The following KNL1 variants were observed in gnomAD, a reference collection of about 807,000 sequenced individuals.
KNL1 encodes the protein outer kinetochore KNL1 complex subunit KNL1.
KNL1 carries 66 observed loss-of-function variants against 201.3 expected under a neutral mutation model. That is an observed-to-expected ratio of 0.33 (90% CI 0.27 to 0.40). The LOEUF is 0.40. KNL1 is among the 10% of genes least tolerant of loss of function. The pLI, the probability that KNL1 is intolerant of heterozygous loss-of-function variation, is 1.00. For synonymous variants in KNL1, 895 were observed against 899.2 expected (o/e 1.00, Z 0.08); for missense variants, 2,815 against 2,690.5 (o/e 1.05, Z -1.02).
chr15:40,621,436 T>C lies in KNL1; in HGVS notation c.1172T>C (p.Met391Thr), dbSNP rs2141719847. The C allele has an allele frequency of 6.2e-7, 1 of 1,613,792 alleles. No homozygotes were observed. Among genetic ancestry groups the C allele is most frequent in the South Asian group, 1.1e-5 (1 of 91,052 alleles). The change falls in exon 10 of 26, where the codon ATG (methionine) becomes ACG (threonine). Residue 391 changes from methionine to threonine, a missense_variant. Transcript: ENST00000399668. ...ATACATATTACCAGAAGTCATATTA[T>C]GGGGGCAGAAACTCACATAGTCTCA... ...DKIHITRSHI[M>T]GAETHIVSQT...
intron 9 of KNL1, 47 bp from the exon 10 acceptor site, chr15:40,620,593 A>G (rs769169680): frequency 2.9e-5 from 37 of 1,294,512 alleles, no homozygotes; most frequent in Non-Finnish European, 3.2e-6. Context: ...ATGCCTTTTT[A>G]AAAGTTTGCT....
intron 1 of KNL1, among the ~76,000 whole-genome samples, chr15:40,599,520 A>T (rs1891721711): frequency 6.6e-6 from 1 of 150,782 alleles, no homozygotes; most frequent in Non-Finnish European, 1.5e-5. Context: ...AGTAGCTGGG[A>T]CTACATGTGC....
Position 40,625,247 on chromosome 15 carries a change from A to G in KNL1, c.4983A>G (p.Arg1661=). The G allele has an allele frequency of 6.2e-7, 1 of 1,614,070 alleles. No individual in the cohort carries two copies. Among genetic ancestry groups the G allele is most frequent in the Non-Finnish European group, 8.5e-7 (1 of 1,179,950 alleles). ...TTTTGCCTAGATTGCCCAACAAGAG[A>G]AATTGTAGTGTCACTGGTATTGATG... The part of the protein sequence containing the change: ...GIFLPRLPNK[R]NCSVTGIDDL... The change falls in exon 10 of 26, where the codon AGA becomes AGG. Residue 1661 remains arginine (R), a synonymous_variant. Transcript: ENST00000399668.
intron 13 of KNL1, among the ~76,000 whole-genome samples, chr15:40,632,008 C>CAAAAAAAAAAAAAAAAAA (rs1335544344): frequency 1.1e-5 from 1 of 88,946 alleles, no homozygotes; most frequent in Non-Finnish European, 2.3e-5. Flanking sequence ...GACCCTATCT[C>CAAAAAAAAAAAAAAAAAA]AAAAAAAAAA....
At position 40,650,276 on chromosome 15, in the gene KNL1, T is replaced by C. The variant is rs376590408; in HGVS notation, c.6095-25T>C. The C allele has an allele frequency of 4.2e-6, 6 of 1,422,432 alleles. No homozygotes were observed. The African/African-American group carries it at 5.7e-5, about 14-fold the overall frequency. The allele number at this position is 1,422,432 out of a possible 1,614,324, so 88.1% of individuals were successfully genotyped here. The stretch of plus-strand genomic sequence containing the variant: ...TTTTTTACTATTTTTCACTGAATTA[T>C]TCTAACAAATACTGTCTACTTTAGA... On this transcript the variant is annotated intron_variant, in intron 17 of 25. Transcript: ENST00000399668.
chr15:40,604,488 A>C (rs1891911072), intron 2 of KNL1, among the ~76,000 whole-genome samples: 1 of 152,210 alleles, frequency 6.6e-6, no homozygotes, highest in East Asian at 1.9e-4. Flanking sequence ...CTGGAAGTAT[A>C]GACATGGGCC....
In KNL1 at chr15:40,632,109, C is replaced by T. The variant is rs140926891; in HGVS notation, c.5682+2738C>T. Reference sequence around the variant, plus strand: ...CTAATTAAGAAGAAATAAGCAGCTGCGCACAGTGGCTGGTGTCTGTAATTC... The same window carrying T: ...CTAATTAAGAAGAAATAAGCAGCTGTGCACAGTGGCTGGTGTCTGTAATTC... On this transcript the variant is annotated intron_variant, in intron 13 of 25. Coordinates refer to ENST00000399668, the MANE Select transcript of KNL1 (RefSeq NM_144508.5). Among the ~76,000 whole-genome samples, 35 of 151,708 alleles carry T rather than the reference C, an allele frequency of 2.3e-4. No individual in the cohort carries two copies. The East Asian group carries it at 3.5e-3, about 15-fold the overall frequency.
At chr15:40,656,491 C>G (rs903403062) in intron 22 of KNL1, among the ~76,000 whole-genome samples, 8 of 152,194 alleles carry the variant, frequency 5.3e-5, no homozygotes, top group Non-Finnish European at 1.2e-4. Context: ...TAAACCCACA[C>G]TCTTACTCAA....
At chr15:40,644,376 T>C (rs1893323910) in intron 14 of KNL1, among the ~76,000 whole-genome samples, 1 of 152,224 alleles carries the variant, frequency 6.6e-6, no homozygotes, top group South Asian at 2.1e-4. Flanking sequence ...GCGGTTTTTC[T>C]CCTATCTCAG....
chr15:40,601,424 C>G (rs1345332667), intron 1 of KNL1, among the ~76,000 whole-genome samples: 1 of 152,084 alleles, frequency 6.6e-6, no homozygotes, highest in Non-Finnish European at 1.5e-5. Context: ...ATAAGCTAGG[C>G]CAAATTTTTA....
chr15:40,647,336 G>A (rs1272662059), intron 17 of KNL1, among the ~76,000 whole-genome samples: 3 of 151,986 alleles, frequency 2.0e-5, no homozygotes, highest in African/African-American at 7.3e-5. Context: ...TTAGCTGGGC[G>A]TGGTGACGGG....
At chr15:40,658,544 AAAGAG>A (rs1893804445) in intron 24 of KNL1, among the ~76,000 whole-genome samples, 1 of 107,684 alleles carries the variant, frequency 9.3e-6, no homozygotes, top group Non-Finnish European at 1.8e-5. Flanking sequence ...AAAAAAAAAA[AAAGAG>A]AGAATCTGTC....
rs187274854 is a variant in KNL1, at chr15:40,643,753, C to T, written c.5799-1244C>T. On this transcript the variant is annotated intron_variant, in intron 14 of 25. Coordinates refer to ENST00000399668, the MANE Select transcript of KNL1 (RefSeq NM_144508.5). ...TGTTTCACATTGGAACAAGTTGGTA[C>T]GTTGAGATGAGAATTCTGTTAGTGA... Among the ~76,000 whole-genome samples, 46 of 152,310 alleles carry T rather than the reference C, an allele frequency of 3.0e-4. 1 individual carries two copies. Among genetic ancestry groups the T allele is most frequent in the Admixed American group, 1.6e-3 (24 of 15,298 alleles).
intron 7 of KNL1, among the ~76,000 whole-genome samples, chr15:40,612,187 G>A (rs1892186377): frequency 6.6e-6 from 1 of 152,046 alleles, no homozygotes; most frequent in South Asian, 2.1e-4. Context: ...GTTGTGGTGG[G>A]CGCCTGTAGT....
chr15:40,614,955 T>G (rs1892292470), intron 7 of KNL1, among the ~76,000 whole-genome samples: 1 of 152,152 alleles, frequency 6.6e-6, no homozygotes, highest in Non-Finnish European at 1.5e-5. Flanking sequence ...TGGAGTGCAG[T>G]GACATGATTA....
rs1418216287 is a variant in KNL1 at position 40,621,901 on chromosome 15, G to A, written c.1637G>A (p.Arg546Lys). ...CNSVPHVSKE[R>K]IQQSLSNPLS... ...TCAGTTCCTCATGTATCTAAGGAAA[G>A]AATACAGCAGAGCCTGTCAAATCCT... The change falls in exon 10 of 26, where the codon AGA becomes AAA. Residue 546 changes from arginine (R) to lysine (K), a missense_variant. Arg to Lys is a conservative substitution (Grantham distance 26). This residue lies in a region of KNL1 where 2,464 missense variants were observed against 2,291.7 expected (regional missense o/e 1.08). Coordinates refer to ENST00000399668, the MANE Select transcript of KNL1 (RefSeq NM_144508.5). 6.2e-7 allele frequency: 1 copy of A among 1,613,738 alleles called. No homozygotes were observed. Among genetic ancestry groups the A allele is most frequent in the Admixed American group, 1.7e-5 (1 of 59,994 alleles).
Position 40,663,146 on chromosome 15 carries a change from G to C in KNL1, c.*958G>C, listed in dbSNP as rs887028126. 6.4e-6 allele frequency: 1 copy of C among 156,800 alleles called. No individual in the cohort carries two copies. The highest frequency in any genetic ancestry group is 2.4e-5 in the African/African-American group (1 of 41,424). The allele number at this position is 156,800 out of a possible 1,614,324, so 9.7% of individuals were successfully genotyped here. A position where few individuals can be genotyped will look rare whatever the true frequency, so the allele number is the denominator to read the frequency against. ...ATGATCTCAGCTCACTGCAAGCTCC[G>C]CCTCCTGGGTTCACGCCATTCTCCT... On this transcript the variant is annotated 3_prime_UTR_variant, in exon 26 of 26. Transcript: ENST00000399668.
chr15:40,595,484 G>A (rs930354257), intron 1 of KNL1, among the ~76,000 whole-genome samples: 2 of 152,166 alleles, frequency 1.3e-5, no homozygotes, highest in Non-Finnish European at 2.9e-5. Flanking sequence ...GGTCAAAGCA[G>A]TATAATTCTT....
chr15:40,644,967 A>C (rs774907473), intron 14 of KNL1, 30 bp from the exon 15 acceptor site: 3 of 1,415,316 alleles, frequency 2.1e-6, no homozygotes, highest in Admixed American at 3.4e-5. Flanking sequence ...TCTTTTCCCT[A>C]CAGTGCTAAT....
Sources: allele counts gnomAD v4.1 joint callset (sites outside exome capture counted in the v4.1 genomes callset), GRCh38; gene constraint gnomAD v4.1.1; regional missense constraint gnomAD v4.1.1; transcripts MANE v1.5; gene names NCBI Gene and HGNC (gene_info 2026-07-23, HGNC 2026-07-21).